Variants in MAST4 observed in about 807,000 individuals in gnomAD.
MAST4 encodes microtubule associated serine/threonine kinase family member 4.
A neutral mutation model predicts 162.7 loss-of-function variants in MAST4; 89 were observed. The ratio of observed to expected loss-of-function variants is 0.55; its 90% confidence interval spans 0.46 to 0.65. The LOEUF (loss-of-function observed/expected upper bound fraction) is 0.65. MAST4 is among the 30% of genes least tolerant of loss of function. The probability of loss-of-function intolerance (pLI) is 0.00; values close to 1 mark genes in which losing one functional copy is unlikely to be tolerated. For synonymous variants in MAST4, 1,479 were observed against 1,361.1 expected (o/e 1.09, Z -1.91); for missense variants, 3,153 against 3,374.0 (o/e 0.93, Z 1.62).
chr5:66,698,206 G>A (rs551538951), intron 1 of MAST4, among the ~76,000 whole-genome samples: 25 of 152,058 alleles, frequency 1.6e-4, no homozygotes, highest in African/African-American at 5.8e-4. Context: ...GTAAATCCAA[G>A]TACCCACACT....
intron 1 of MAST4, among the ~76,000 whole-genome samples, chr5:66,649,309 A>C (rs1265989340): frequency 6.6e-6 from 1 of 152,176 alleles, no homozygotes; most frequent in Non-Finnish European, 1.5e-5. Context: ...ATGAGAGGTG[A>C]GAAAAATTGT....
At chr5:66,703,195 T>C (rs1255407716) in intron 1 of MAST4, among the ~76,000 whole-genome samples, 1 of 152,128 alleles carries the variant, frequency 6.6e-6, no homozygotes, top group Non-Finnish European at 1.5e-5. Context: ...AGAATTCCTT[T>C]GGCATTTTGA....
At position 67,104,570 on chromosome 5, in the gene MAST4, C is replaced by T; in HGVS notation, c.1351C>T (p.Gln451Ter). 6.2e-7 allele frequency: 1 copy of T among 1,612,036 alleles called. No individual in the cohort carries two copies. Among genetic ancestry groups the T allele is most frequent in the Non-Finnish European group, 8.5e-7 (1 of 1,178,790 alleles). The change falls in exon 10 of 29, where the codon CAG becomes TAG. Residue 451 changes from glutamine to a stop codon, truncating the protein, a stop_gained. Transcript: ENST00000403625. LOFTEE classifies it high-confidence loss of function. ...ELQHKLDKLLQEAHDRSESGE... is the reference protein window; with the variant it reads ...ELQHKLDKLL ...ACAGCACAAATTAGATAAGTTGCTACAGGAGGTAAGAACCATGTACCATAT... is the reference window on the plus strand; with the variant it reads ...ACAGCACAAATTAGATAAGTTGCTATAGGAGGTAAGAACCATGTACCATAT...
intron 4 of MAST4, among the ~76,000 whole-genome samples, chr5:66,987,910 C>G (rs369693066): frequency 6.6e-6 from 1 of 152,140 alleles, no homozygotes; most frequent in Non-Finnish European, 1.5e-5. Context: ...ATAGTTACAA[C>G]GTGGTTGCGT....
intron 3 of MAST4, among the ~76,000 whole-genome samples, chr5:66,880,248 C>A (rs1761602595): frequency 1.3e-5 from 2 of 152,228 alleles, no homozygotes; most frequent in South Asian, 4.2e-4. Flanking sequence ...CTTATGTAGT[C>A]AGATATTACA....
chr5:66,853,024 G>C (rs1759428762), intron 3 of MAST4, among the ~76,000 whole-genome samples: 1 of 152,172 alleles, frequency 6.6e-6, no homozygotes, highest in African/African-American at 2.4e-5. Flanking sequence ...GAGGAGGGTG[G>C]TTAATAAATC....
At chr5:67,105,626 T>G (rs1164265369) in intron 10 of MAST4, among the ~76,000 whole-genome samples, 1 of 152,166 alleles carries the variant, frequency 6.6e-6, no homozygotes, top group Non-Finnish European at 1.5e-5. Context: ...GGACCTGTTC[T>G]CTCCCATAAA....
At chr5:66,700,288 T>G (rs910133628) in intron 1 of MAST4, among the ~76,000 whole-genome samples, 1 of 152,246 alleles carries the variant, frequency 6.6e-6, no homozygotes, top group South Asian at 2.1e-4. Context: ...TGATGGAAAA[T>G]TGTGATGGTT....
chr5:66,738,727 C>G (rs1238554590), intron 1 of MAST4, among the ~76,000 whole-genome samples: 1 of 152,194 alleles, frequency 6.6e-6, no homozygotes, highest in Non-Finnish European at 1.5e-5. Flanking sequence ...CGACACAGGT[C>G]TGCTTTCTCG....
At chr5:66,969,729 A>AT (rs1747198517) in intron 4 of MAST4, among the ~76,000 whole-genome samples, 1 of 152,168 alleles carries the variant, frequency 6.6e-6, no homozygotes, top group African/African-American at 2.4e-5. Flanking sequence ...GTATGTTGTG[A>AT]TTTTGTGTCT....
chr5:67,090,829 CAGA>C, intron 6 of MAST4, among the ~76,000 whole-genome samples: 1 of 151,540 alleles, frequency 6.6e-6, no homozygotes, highest in African/African-American at 2.4e-5. Context: ...GTAGCCAAGT[CAGA>C]GGAGTGTGCA....
chr5:66,726,594 A>T (rs1751534594), intron 1 of MAST4, among the ~76,000 whole-genome samples: 1 of 152,024 alleles, frequency 6.6e-6, no homozygotes, highest in South Asian at 2.1e-4. Context: ...TTGGGGACTG[A>T]CAGAGTCAGG....
chr5:66,848,351 A>G (rs1030156196), intron 3 of MAST4, among the ~76,000 whole-genome samples: 2 of 152,190 alleles, frequency 1.3e-5, no homozygotes, highest in Non-Finnish European at 2.9e-5. Flanking sequence ...AATTTATTTC[A>G]GTAACATTTG....
At chr5:66,783,590 T>C (rs1252150570) in intron 2 of MAST4, among the ~76,000 whole-genome samples, 1 of 152,214 alleles carries the variant, frequency 6.6e-6, no homozygotes, top group Non-Finnish European at 1.5e-5. Context: ...GTCAAAGCCT[T>C]GTCTTTTGCG....
At chr5:66,692,765 T>C (rs1239228299) in intron 1 of MAST4, among the ~76,000 whole-genome samples, 1 of 152,154 alleles carries the variant, frequency 6.6e-6, no homozygotes, top group African/African-American at 2.4e-5. Flanking sequence ...TTGCTGACTT[T>C]CTTGCTATGT....
chr5:67,009,165 G>A (rs1309743688), intron 4 of MAST4, among the ~76,000 whole-genome samples: 1 of 150,284 alleles, frequency 6.7e-6, no homozygotes, highest in Non-Finnish European at 1.5e-5. Flanking sequence ...CAATCAAGAA[G>A]TATTTACAAG....
At chr5:66,970,027 C>A (rs1465856429) in intron 4 of MAST4, among the ~76,000 whole-genome samples, 1 of 152,150 alleles carries the variant, frequency 6.6e-6, no homozygotes, top group Non-Finnish European at 1.5e-5. Flanking sequence ...AAATCTGTGT[C>A]ATGCAGGCAC....
intron 1 of MAST4, among the ~76,000 whole-genome samples, chr5:66,682,999 G>A (rs1355427971): frequency 6.6e-6 from 1 of 152,192 alleles, no homozygotes; most frequent in Non-Finnish European, 1.5e-5. Flanking sequence ...GGCAGGCGAA[G>A]GGGTGGTGGG....
chr5:67,049,792 A>G (rs534741134), intron 4 of MAST4, among the ~76,000 whole-genome samples: 1 of 152,310 alleles, frequency 6.6e-6, no homozygotes, highest in Non-Finnish European at 1.5e-5. Context: ...ATGGTCAGAA[A>G]TGATCAGAAT....
Sources: allele counts gnomAD v4.1 joint callset (sites outside exome capture counted in the v4.1 genomes callset), GRCh38; gene constraint gnomAD v4.1.1; transcripts MANE v1.5; gene names NCBI Gene and HGNC (gene_info 2026-07-23, HGNC 2026-07-21).